Variants in ASTN2 observed in about 807,000 individuals in gnomAD.
ASTN2 encodes the protein astrotactin-2.
Under a neutral mutation model 139.8 loss-of-function variants are expected in ASTN2, and 54 were observed. That is an observed-to-expected ratio of 0.39 (90% CI 0.31 to 0.48). ASTN2 has a LOEUF of 0.48. Among genes scored for constraint, ASTN2 ranks in the 20% least tolerant of loss-of-function variants. The pLI is 0.95. For synonymous variants in ASTN2, 756 were observed against 719.5 expected (o/e 1.05, Z -0.81); for missense variants, 1,565 against 1,725.1 (o/e 0.91, Z 1.64).
chr9:116,609,326 CTCTA>C (rs1374231186), intron 19 of ASTN2, among the ~76,000 whole-genome samples: 6 of 113,618 alleles, frequency 5.3e-5, no homozygotes, highest in Admixed American at 9.6e-5. Flanking sequence ...CTCTCTCTCT[CTCTA>C]TATATATATA....
At position 117,414,885 on chromosome 9, in the gene ASTN2, C is replaced by A; in HGVS notation, c.54G>T (p.Gly18=). 1 of 844,116 alleles carries A rather than the reference C, an allele frequency of 1.2e-6. No individual in the cohort carries two copies. The highest frequency in any genetic ancestry group is 5.5e-5 in the South Asian group (1 of 18,120). The allele number at this position is 844,116 out of a possible 1,614,324, so 52.3% of individuals were successfully genotyped here. Residue 18 remains glycine, a synonymous_variant, in exon 1 of 23, where the codon GGG becomes GGT. Coordinates refer to ENST00000313400, the MANE Select transcript of ASTN2 (RefSeq NM_001365068.1). The surrounding 1 kb of genome is among the most constrained non-coding windows in gnomAD (Gnocchi z 4.2). ...CCGGGTGGAAGCAGAGCCTCGGCCGCCCCCGGAGCCCCGAGCCGGGGCCGG... is the reference window on the plus strand; with the variant it reads ...CCGGGTGGAAGCAGAGCCTCGGCCGACCCCGGAGCCCCGAGCCGGGGCCGG... ...LSPGPGSGLR[G]RPRLCFHPGP...
At chr9:117,317,154 A>G (rs1587941543) in intron 1 of ASTN2, among the ~76,000 whole-genome samples, 2 of 152,112 alleles carry the variant, frequency 1.3e-5, no homozygotes, top group African/African-American at 4.8e-5. Flanking sequence ...GCACACACAC[A>G]TAAACACACA....
intron 13 of ASTN2, among the ~76,000 whole-genome samples, chr9:116,743,581 G>A (rs768970198): frequency 1.3e-5 from 2 of 151,716 alleles, no homozygotes; most frequent in South Asian, 2.1e-4. Flanking sequence ...GTGTGATCTC[G>A]GCTCACTGAA....
At chr9:117,268,435 A>G (rs904327265) in intron 2 of ASTN2, among the ~76,000 whole-genome samples, 1 of 152,132 alleles carries the variant, frequency 6.6e-6, no homozygotes, top group African/African-American at 2.4e-5. Flanking sequence ...CAAGGCCTGA[A>G]CCAACGTTTT....
At chr9:116,816,039 C>A (rs963946762) in intron 12 of ASTN2, among the ~76,000 whole-genome samples, 1 of 152,016 alleles carries the variant, frequency 6.6e-6, no homozygotes, top group Non-Finnish European at 1.5e-5. Flanking sequence ...AAGCACACAG[C>A]CAAATTTATC....
chr9:117,282,354 T>C (rs924098467), intron 2 of ASTN2, among the ~76,000 whole-genome samples: 2 of 152,266 alleles, frequency 1.3e-5, no homozygotes, highest in East Asian at 1.9e-4. Context: ...GGCCAGGAGG[T>C]TCAGTGGAAC....
intron 11 of ASTN2, among the ~76,000 whole-genome samples, chr9:116,833,926 C>T (rs1245142628): frequency 6.6e-6 from 1 of 151,780 alleles, no homozygotes; most frequent in Non-Finnish European, 1.5e-5. Flanking sequence ...CCTCCCTCTC[C>T]AACACATGAG....
intron 17 of ASTN2, among the ~76,000 whole-genome samples, chr9:116,642,617 C>T (rs1246561483): frequency 6.6e-6 from 1 of 152,090 alleles, no homozygotes; most frequent in African/African-American, 2.4e-5. Flanking sequence ...GATCTATTCT[C>T]CAGGAGAAAA....
At chr9:116,860,263 T>C (rs1564309691) in intron 11 of ASTN2, among the ~76,000 whole-genome samples, 1 of 152,068 alleles carries the variant, frequency 6.6e-6, no homozygotes, top group Admixed American at 6.5e-5. Flanking sequence ...AGAAATGAAA[T>C]GAAATTCAGT....
intron 5 of ASTN2, among the ~76,000 whole-genome samples, chr9:117,075,639 T>A (rs10983510): frequency 0.24 from 35,778 of 151,996 alleles, 4,346 homozygotes; most frequent in East Asian, 0.39. Context: ...TACACCCTTT[T>A]CTAGTGTGAC....
chr9:117,201,292 A>C (rs1335612492), intron 3 of ASTN2, among the ~76,000 whole-genome samples: 3 of 151,812 alleles, frequency 2.0e-5, no homozygotes, highest in Non-Finnish European at 2.9e-5. Flanking sequence ...CTAGCAGTCT[A>C]TCTATTTTGT....
At chr9:117,280,495 A>G (rs1031223774) in intron 2 of ASTN2, among the ~76,000 whole-genome samples, 8 of 152,220 alleles carry the variant, frequency 5.3e-5, no homozygotes, top group Admixed American at 5.2e-4. Context: ...TGAGAGGCGC[A>G]TGGAAGAAAA....
chr9:116,666,156 A>T (rs1003689103), intron 16 of ASTN2, among the ~76,000 whole-genome samples: 1 of 152,164 alleles, frequency 6.6e-6, no homozygotes, highest in African/African-American at 2.4e-5. Context: ...TTTCTAATGA[A>T]TGGATTGGAC....
chr9:116,726,728 T>C (rs1215614825), intron 15 of ASTN2, among the ~76,000 whole-genome samples: 1 of 150,104 alleles, frequency 6.7e-6, no homozygotes, highest in Non-Finnish European at 1.5e-5. Flanking sequence ...TCCTCAGCAC[T>C]TAACATGGGG....
At chr9:117,046,903 T>A (rs992307231) in intron 5 of ASTN2, among the ~76,000 whole-genome samples, 1 of 152,200 alleles carries the variant, frequency 6.6e-6, no homozygotes, top group Non-Finnish European at 1.5e-5. Context: ...GGAATGCTGC[T>A]ATTGGTATTT....
intron 6 of ASTN2, among the ~76,000 whole-genome samples, chr9:117,014,098 G>T (rs1191193073): frequency 3.3e-5 from 5 of 152,024 alleles, no homozygotes; most frequent in Non-Finnish European, 1.5e-5. Flanking sequence ...GAATACCACG[G>T]GTCCTAGCTG....
At chr9:117,318,562 G>A (rs942658547) in intron 1 of ASTN2, among the ~76,000 whole-genome samples, 1 of 152,090 alleles carries the variant, frequency 6.6e-6, no homozygotes, top group Non-Finnish European at 1.5e-5. Context: ...CAACATCGAG[G>A]TTAATTTAGT....
chr9:117,276,600 A>G (rs755796161), intron 2 of ASTN2, among the ~76,000 whole-genome samples: 8 of 152,198 alleles, frequency 5.3e-5, no homozygotes, highest in Non-Finnish European at 1.0e-4. Flanking sequence ...GGACTGTAAT[A>G]AAACAGGAAC....
At chr9:116,849,372 C>T (rs1018135930) in intron 11 of ASTN2, among the ~76,000 whole-genome samples, 2 of 152,156 alleles carry the variant, frequency 1.3e-5, no homozygotes, top group Non-Finnish European at 2.9e-5. Flanking sequence ...GACCAGCCCT[C>T]ACCCTGAAGC....
Sources: allele counts gnomAD v4.1 joint callset (sites outside exome capture counted in the v4.1 genomes callset), GRCh38; gene constraint gnomAD v4.1.1; non-coding constraint Gnocchi (gnomAD v3.1); transcripts MANE v1.5; gene names NCBI Gene and HGNC (gene_info 2026-07-23, HGNC 2026-07-21).